The following PPP1R2 variants were observed in gnomAD, a reference collection of about 807,000 sequenced individuals.
The protein encoded by PPP1R2 is protein phosphatase 1 regulatory inhibitor subunit 2.
Under a neutral mutation model 29.9 loss-of-function variants are expected in PPP1R2, and 16 were observed. The observed-to-expected ratio is 0.53, with a 90% CI of 0.36 to 0.81. The LOEUF is 0.81. Among genes scored for constraint, PPP1R2 ranks in the 30% least tolerant of loss-of-function variants. The pLI is 0.00. For synonymous variants in PPP1R2, 76 were observed against 91.5 expected (o/e 0.83, Z 0.96); for missense variants, 197 against 252.7 (o/e 0.78, Z 1.49).
intron 2 of PPP1R2, among the ~76,000 whole-genome samples, chr3:195,527,110 A>G (rs1164776518): frequency 1.3e-5 from 2 of 151,524 alleles, no homozygotes; most frequent in Admixed American, 1.3e-4. Flanking sequence ...TTTTGTGGAG[A>G]TAAGAGTCTC....
At chr3:195,517,500 G>A (rs1053623519) in intron 5 of PPP1R2, among the ~76,000 whole-genome samples, 1 of 152,086 alleles carries the variant, frequency 6.6e-6, no homozygotes, top group South Asian at 2.1e-4. Flanking sequence ...TGCTAAGCAG[G>A]ATATACTCCT....
At chr3:195,532,570 A>G (rs1719226229) in intron 1 of PPP1R2, among the ~76,000 whole-genome samples, 1 of 152,194 alleles carries the variant, frequency 6.6e-6, no homozygotes, top group Non-Finnish European at 1.5e-5. Flanking sequence ...ACCGGGAGAC[A>G]GACACTGAAG....
intron 1 of PPP1R2, among the ~76,000 whole-genome samples, chr3:195,536,831 A>G (rs1022416968): frequency 2.0e-5 from 3 of 151,130 alleles, no homozygotes; most frequent in Non-Finnish European, 2.9e-5. Context: ...ACAACTGATC[A>G]TCGTTGCTTA....
intron 5 of PPP1R2, 28 bp downstream of exon 5, chr3:195,518,990 T>G: frequency 6.2e-7 from 1 of 1,609,492 alleles, no homozygotes; most frequent in Non-Finnish European, 8.5e-7. Flanking sequence ...ATTACAAAAG[T>G]CTCAGTGACA....
At chr3:195,525,971 G>A (rs1353981114) in intron 2 of PPP1R2, among the ~76,000 whole-genome samples, 2 of 152,082 alleles carry the variant, frequency 1.3e-5, no homozygotes, top group Admixed American at 1.3e-4. Context: ...GAAAATTCTA[G>A]TTGTAAAATT....
At chr3:195,540,656 G>A (rs1560446739) in intron 1 of PPP1R2, among the ~76,000 whole-genome samples, 1 of 152,108 alleles carries the variant, frequency 6.6e-6, no homozygotes, top group East Asian at 1.9e-4. Context: ...GGGTTATCAA[G>A]TGAGTGGTTC....
intron 4 of PPP1R2, among the ~76,000 whole-genome samples, chr3:195,522,205 A>C (rs1718787334): frequency 6.6e-6 from 1 of 152,162 alleles, no homozygotes; most frequent in South Asian, 2.1e-4. Flanking sequence ...GAGAAAACGG[A>C]GGCTCGGAGA....
At chr3:195,518,871 C>T (rs771718308) in intron 5 of PPP1R2, 147 bp downstream of exon 5, 127 of 1,217,346 alleles carry the variant, frequency 1.0e-4, no homozygotes, top group Non-Finnish European at 1.3e-4. Context: ...ATTGGCCATG[C>T]GGGTTAAAAC....
intron 2 of PPP1R2, chr3:195,528,702 A>ATTTTTTTTTTTTTTTTTTTTTTTTTTTTT (rs1186534650): frequency 5.0e-5 from 3 of 59,968 alleles, no homozygotes; most frequent in Non-Finnish European, 8.3e-5. Flanking sequence ...GGGCATAACT[A>ATTTTTTTTTTTTTTTTTTTTTTTTTTTTT]TTTTTTTTTT....
At chr3:195,517,350 T>C (rs1383121842) in intron 5 of PPP1R2, among the ~76,000 whole-genome samples, 3 of 152,144 alleles carry the variant, frequency 2.0e-5, no homozygotes, top group Admixed American at 2.0e-4. Context: ...GGGAGGAGAC[T>C]GGCACTGTCC....
At chr3:195,518,965 T>C (rs1560431078) in intron 5 of PPP1R2, 53 bp downstream of exon 5, 1 of 1,586,276 alleles carries the variant, frequency 6.3e-7, no homozygotes, top group Non-Finnish European at 8.5e-7. Flanking sequence ...AAGTACATTA[T>C]CTTAGGCATA....
chr3:195,527,651 C>T (rs1719021942), intron 2 of PPP1R2: 2 of 157,918 alleles, frequency 1.3e-5, no homozygotes, highest in South Asian at 1.7e-4. Flanking sequence ...ATGGCCACTA[C>T]ATTTAGTAAA....
chr3:195,518,652 A>C (rs1180060773), intron 5 of PPP1R2, among the ~76,000 whole-genome samples: 1 of 5,980 alleles, frequency 1.7e-4, no homozygotes, highest in African/African-American at 1.1e-3. Flanking sequence ...CTCTGTCTCA[A>C]AAAAAAAAAA....
At chr3:195,524,070 A>G (rs939383446) in intron 3 of PPP1R2, among the ~76,000 whole-genome samples, 13 of 151,852 alleles carry the variant, frequency 8.6e-5, no homozygotes, top group African/African-American at 2.7e-4. Flanking sequence ...CCTGAGTGAT[A>G]GAACAAGGCC....
At chr3:195,522,195 G>A (rs554322915) in intron 4 of PPP1R2, among the ~76,000 whole-genome samples, 18 of 152,242 alleles carry the variant, frequency 1.2e-4, no homozygotes, top group African/African-American at 4.3e-4. Context: ...ATTTAGAAAT[G>A]AGAAAACGGA....
chr3:195,517,763 C>G (rs1224520936), intron 5 of PPP1R2, among the ~76,000 whole-genome samples: 1 of 151,950 alleles, frequency 6.6e-6, no homozygotes, highest in African/African-American at 2.4e-5. Flanking sequence ...AAAAACATGC[C>G]ACAGCTACTA....
At chr3:195,537,503 G>GTGTGTGTGTGTGTGTGTGTA (rs1719438897) in intron 1 of PPP1R2, among the ~76,000 whole-genome samples, 1 of 150,364 alleles carries the variant, frequency 6.7e-6, no homozygotes, top group Non-Finnish European at 1.5e-5. Context: ...GTGTGTGTGT[G>GTGTGTGTGTGTGTGTGTGTA]TGTGTGTGTG....
chr3:195,531,730 T>C (rs1190218130), intron 1 of PPP1R2, among the ~76,000 whole-genome samples: 12 of 152,226 alleles, frequency 7.9e-5, no homozygotes, highest in Admixed American at 7.9e-4. Flanking sequence ...AAGTAAGCAC[T>C]AGCCATTACG....
At chr3:195,530,025 T>C (rs1183512014) in intron 1 of PPP1R2, 124 bp from the exon 2 acceptor site, 9 of 668,094 alleles carry the variant, frequency 1.3e-5, no homozygotes, top group African/African-American at 9.1e-5. Context: ...TATTTTCACA[T>C]ATACTTTCTT....
Sources: allele counts gnomAD v4.1 joint callset (sites outside exome capture counted in the v4.1 genomes callset), GRCh38; gene constraint gnomAD v4.1.1; transcripts MANE v1.5; gene names NCBI Gene and HGNC (gene_info 2026-07-23, HGNC 2026-07-21).